The following DYM variants were observed in gnomAD, a reference collection of about 807,000 sequenced individuals.
DYM encodes the protein dymeclin.
DYM carries 78 observed loss-of-function variants against 93.1 expected under a neutral mutation model. The observed-to-expected ratio is 0.84, with a 90% CI of 0.70 to 1.01. DYM has a LOEUF of 1.01. DYM is among the 50% of genes least tolerant of loss of function. DYM has a pLI of 0.00. For synonymous variants in DYM, 321 were observed against 319.7 expected (o/e 1.00, Z -0.04); for missense variants, 789 against 845.0 (o/e 0.93, Z 0.82).
At chr18:49,187,937 G>A (rs941056670) in intron 14 of DYM, among the ~76,000 whole-genome samples, 3 of 152,074 alleles carry the variant, frequency 2.0e-5, no homozygotes, top group Admixed American at 6.5e-5. Context: ...ACTTCCACAC[G>A]TTATAAATCA....
chr18:49,369,545 G>C (rs1399663357), intron 5 of DYM, among the ~76,000 whole-genome samples: 3 of 152,134 alleles, frequency 2.0e-5, no homozygotes, highest in Non-Finnish European at 4.4e-5. Flanking sequence ...AGCTTTCACA[G>C]ATCAGTGAAG....
At chr18:49,300,445 T>C (rs1329916345) in intron 8 of DYM, among the ~76,000 whole-genome samples, 2 of 151,180 alleles carry the variant, frequency 1.3e-5, no homozygotes, top group African/African-American at 2.4e-5. Flanking sequence ...ACTAAAACAC[T>C]AAAAATTAGC....
chr18:49,055,348 C>T (rs758223692), intron 17 of DYM, among the ~76,000 whole-genome samples: 32 of 152,118 alleles, frequency 2.1e-4, no homozygotes, highest in Non-Finnish European at 3.2e-4. Context: ...GACAGAGACT[C>T]GTGATCTAAA....
At chr18:49,359,077 C>G (rs76286827) in intron 6 of DYM, among the ~76,000 whole-genome samples, 2 of 152,230 alleles carry the variant, frequency 1.3e-5, no homozygotes. Flanking sequence ...TCACAAATTC[C>G]GAGCGCTGGG....
intron 16 of DYM, among the ~76,000 whole-genome samples, chr18:49,106,523 A>T (rs1413028087): frequency 6.6e-6 from 1 of 152,132 alleles, no homozygotes; most frequent in East Asian, 1.9e-4. Flanking sequence ...CAATTTGGCA[A>T]GTTTTTGCAG....
chr18:49,271,283 C>T (rs560264794), intron 11 of DYM, among the ~76,000 whole-genome samples: 78 of 152,034 alleles, frequency 5.1e-4, no homozygotes, highest in African/African-American at 1.7e-3. Flanking sequence ...AGAAAGGAAA[C>T]GCAATTATCC....
At chr18:49,234,732 T>C (rs2093809755) in intron 13 of DYM, among the ~76,000 whole-genome samples, 2 of 152,210 alleles carry the variant, frequency 1.3e-5, no homozygotes. Flanking sequence ...ATTAAGATTA[T>C]TGTCCTTAAA....
At chr18:49,329,291 G>C (rs1351783772) in intron 8 of DYM, among the ~76,000 whole-genome samples, 1 of 133,828 alleles carries the variant, frequency 7.5e-6, no homozygotes. Context: ...TTGTGGGGTG[G>C]GGGGGAGGGG....
intron 1 of DYM, among the ~76,000 whole-genome samples, chr18:49,453,789 G>A (rs1213480531): frequency 6.6e-6 from 1 of 152,106 alleles, no homozygotes; most frequent in Non-Finnish European, 1.5e-5. Flanking sequence ...CTTCTTATTG[G>A]GTTTGGTAAT....
intron 17 of DYM, among the ~76,000 whole-genome samples, chr18:49,093,534 G>A (rs2079268522): frequency 1.3e-5 from 2 of 152,164 alleles, no homozygotes; most frequent in South Asian, 2.1e-4. Flanking sequence ...ATGGGAGGGC[G>A]GCAACGTGGA....
intron 8 of DYM, among the ~76,000 whole-genome samples, chr18:49,294,768 A>G (rs2060415528): frequency 6.6e-6 from 1 of 152,132 alleles, no homozygotes; most frequent in Non-Finnish European, 1.5e-5. Flanking sequence ...ATTACAAAAC[A>G]CTATTCAATC....
At chr18:49,365,403 C>A (rs1204372855) in intron 5 of DYM, among the ~76,000 whole-genome samples, 1 of 152,042 alleles carries the variant, frequency 6.6e-6, no homozygotes, top group Non-Finnish European at 1.5e-5. Flanking sequence ...TCGGGCTTGG[C>A]TCTATTATTA....
intron 2 of DYM, among the ~76,000 whole-genome samples, chr18:49,415,069 C>G (rs2072764934): frequency 6.6e-6 from 1 of 151,970 alleles, no homozygotes; most frequent in Non-Finnish European, 1.5e-5. Context: ...ACTGAAACCT[C>G]TGTTTCCAGG....
chr18:49,360,322 A>AT (rs1490594079), intron 6 of DYM, among the ~76,000 whole-genome samples: 1 of 151,322 alleles, frequency 6.6e-6, no homozygotes, highest in East Asian at 1.9e-4. Flanking sequence ...ATTGTGTTAT[A>AT]TAAAAAAAAA....
intron 17 of DYM, among the ~76,000 whole-genome samples, chr18:49,088,109 C>G (rs1230481285): frequency 6.6e-6 from 1 of 152,044 alleles, no homozygotes; most frequent in African/African-American, 2.4e-5. Flanking sequence ...TGCAGAAGCT[C>G]TTTAGTTTAA....
At chr18:49,388,961 C>G (rs1173803203) in intron 3 of DYM, among the ~76,000 whole-genome samples, 1 of 149,110 alleles carries the variant, frequency 6.7e-6, no homozygotes, top group Non-Finnish European at 1.5e-5. Context: ...TGCCAGTAGA[C>G]CAGCACTTAA....
intron 13 of DYM, among the ~76,000 whole-genome samples, chr18:49,210,903 G>A (rs1342064223): frequency 6.6e-6 from 1 of 152,162 alleles, no homozygotes; most frequent in Non-Finnish European, 1.5e-5. Context: ...CTCAAAATAT[G>A]AGGCTGTCAT....
At chr18:49,218,708 G>A (rs1008334573) in intron 13 of DYM, among the ~76,000 whole-genome samples, 4 of 152,128 alleles carry the variant, frequency 2.6e-5, no homozygotes, top group Admixed American at 1.3e-4. Context: ...TGAAACCAAT[G>A]AGAACAAAGA....
At chr18:49,409,383 T>C (rs1172411078) in intron 2 of DYM, among the ~76,000 whole-genome samples, 1 of 152,124 alleles carries the variant, frequency 6.6e-6, no homozygotes, top group African/African-American at 2.4e-5. Flanking sequence ...TGATTGACTA[T>C]ATTGCTGCTT....
Sources: allele counts gnomAD v4.1 joint callset (sites outside exome capture counted in the v4.1 genomes callset), GRCh38; gene constraint gnomAD v4.1.1; transcripts MANE v1.5; gene names NCBI Gene and HGNC (gene_info 2026-07-23, HGNC 2026-07-21).